Variants in INPP4B observed in about 807,000 individuals in gnomAD.
INPP4B encodes the protein inositol polyphosphate-4-phosphatase type II B, also known as inositol polyphosphate 4-phosphatase type II.
Under a neutral mutation model 122.5 loss-of-function variants are expected in INPP4B, and 55 were observed. The ratio of observed to expected loss-of-function variants is 0.45; its 90% CI spans 0.36 to 0.56. INPP4B has a LOEUF of 0.56. Among genes scored for constraint, INPP4B ranks in the 20% least tolerant of loss-of-function variants. The pLI, the probability that INPP4B is intolerant of heterozygous loss-of-function variation, is 0.00. For missense variants in INPP4B, 1,000 were observed against 1,097.7 expected, an observed-to-expected ratio of 0.91 and a Z score of 1.26; for synonymous variants, 403 against 388.7, an observed-to-expected ratio of 1.04 and a Z score of -0.43.
At chr4:142,521,566 T>C (rs1262557523) in intron 2 of INPP4B, among the ~76,000 whole-genome samples, 1 of 152,076 alleles carries the variant, frequency 6.6e-6, no homozygotes, top group African/African-American at 2.4e-5. Context: ...TTCAGATTTT[T>C]AAAGCTACAT....
intron 2 of INPP4B, among the ~76,000 whole-genome samples, chr4:142,593,417 T>A (rs761038856): frequency 3.3e-5 from 5 of 152,168 alleles, no homozygotes; most frequent in Non-Finnish European, 7.4e-5. Context: ...TTTCTCCTTA[T>A]CAGCCCCCAC....
At chr4:142,681,559 T>C (rs919711180) in intron 2 of INPP4B, among the ~76,000 whole-genome samples, 1 of 151,516 alleles carries the variant, frequency 6.6e-6, no homozygotes. Context: ...TCTGGATAAC[T>C]CGAGATGGAG....
intron 2 of INPP4B, among the ~76,000 whole-genome samples, chr4:142,662,096 G>T (rs1025582644): frequency 6.6e-6 from 1 of 152,044 alleles, no homozygotes; most frequent in African/African-American, 2.4e-5. Flanking sequence ...TTAACCGGGC[G>T]TGGTGGCAGG....
chr4:142,387,373 A>G (rs182344682), intron 7 of INPP4B, among the ~76,000 whole-genome samples: 1 of 152,096 alleles, frequency 6.6e-6, no homozygotes, highest in African/African-American at 2.4e-5. Flanking sequence ...TCTGGCGTAT[A>G]CATTAGGCCC....
chr4:142,282,873 G>C (rs529283614), intron 9 of INPP4B, among the ~76,000 whole-genome samples: 2 of 152,044 alleles, frequency 1.3e-5, no homozygotes, highest in East Asian at 1.9e-4. Flanking sequence ...GAGAATCTTG[G>C]GGAACATCTT....
intron 23 of INPP4B, among the ~76,000 whole-genome samples, chr4:142,101,147 T>C (rs1784298009): frequency 6.6e-6 from 1 of 152,082 alleles, no homozygotes. Flanking sequence ...AACCATACCA[T>C]GTTCTAAGAA....
At position 142,455,498 on chromosome 4, in the gene INPP4B, T is replaced by A. The variant is rs1034714024; in HGVS notation, c.-127+7165A>T. 8.6e-5 allele frequency among the ~76,000 whole-genome samples: 13 copies of A among 152,026 alleles called. 1 individual carries two copies. Among genetic ancestry groups the A allele is most frequent in the African/African-American group, 3.1e-4 (13 of 41,438 alleles). ...TGTTGTGAATGAGTGGATCTCATTC[T>A]TTTTTTATGGCTGAAGAGTACTCCA... is the stretch of plus-strand genomic sequence containing the variant. On this transcript the variant is annotated intron_variant, in intron 3 of 25. Transcript: ENST00000262992.
chr4:142,146,883 T>C (rs1811046414), intron 17 of INPP4B, among the ~76,000 whole-genome samples: 2 of 152,220 alleles, frequency 1.3e-5, no homozygotes, highest in African/African-American at 4.8e-5. Flanking sequence ...TCTTTGCCAC[T>C]AATCTTCCCA....
chr4:142,056,110 T>C (rs1757559427), intron 25 of INPP4B, among the ~76,000 whole-genome samples: 1 of 151,996 alleles, frequency 6.6e-6, no homozygotes, highest in Non-Finnish European at 1.5e-5. Context: ...TGTGTTGATC[T>C]GACGGAAGGC....
At chr4:142,780,019 T>G (rs902168370) in intron 1 of INPP4B, among the ~76,000 whole-genome samples, 2 of 152,226 alleles carry the variant, frequency 1.3e-5, no homozygotes, top group Non-Finnish European at 2.9e-5. Context: ...CAAATCGCAG[T>G]GCACTTCAGA....
chr4:142,705,893 A>G (rs911817210), intron 2 of INPP4B, among the ~76,000 whole-genome samples: 1 of 152,234 alleles, frequency 6.6e-6, no homozygotes, highest in African/African-American at 2.4e-5. Context: ...TATTCTCCAC[A>G]GTGCAACCTG....
intron 25 of INPP4B, among the ~76,000 whole-genome samples, chr4:142,052,131 C>G (rs919087215): frequency 2.0e-5 from 3 of 151,968 alleles, no homozygotes; most frequent in Non-Finnish European, 4.4e-5. Context: ...CTATTTTTAT[C>G]AGACTACCAT....
At chr4:142,842,154 A>G (rs1783575130) in intron 1 of INPP4B, among the ~76,000 whole-genome samples, 2 of 151,810 alleles carry the variant, frequency 1.3e-5, no homozygotes, top group South Asian at 4.1e-4. Context: ...AGTTTAAACA[A>G]ATTACTGCCA....
chr4:142,404,245 G>T (rs371622352), intron 6 of INPP4B, among the ~76,000 whole-genome samples: 3 of 152,096 alleles, frequency 2.0e-5, no homozygotes, highest in Non-Finnish European at 4.4e-5. Flanking sequence ...AATGACTCCC[G>T]TTCAGTCTGA....
At chr4:142,108,304 G>A in intron 22 of INPP4B, 114 bp from the exon 23 acceptor site, 2 of 666,044 alleles carry the variant, frequency 3.0e-6, no homozygotes, top group Non-Finnish European at 2.6e-6. Context: ...GAAAGAGTCT[G>A]TCTCATTTTT....
chr4:142,116,635 C>G (rs1277675433), intron 21 of INPP4B, among the ~76,000 whole-genome samples: 2 of 152,096 alleles, frequency 1.3e-5, no homozygotes, highest in African/African-American at 2.4e-5. Flanking sequence ...ATACAACATA[C>G]CAGAATCTCT....
rs540716289 is a variant in INPP4B, at chr4:142,329,153, A to T, written c.373-14391T>A. ...ATGGACAATATCAAAATGTGTAAAG[A>T]AAGTAAAATATTAAAATACGGTAAT... On this transcript the variant is annotated intron_variant, in intron 7 of 25. Transcript: ENST00000262992. Among the ~76,000 whole-genome samples, 4 of 152,396 alleles carry T rather than the reference A, an allele frequency of 2.6e-5. No individual in the cohort carries two copies. The South Asian group carries it at 8.3e-4, about 32-fold the overall frequency.
intron 1 of INPP4B, chr4:142,795,310 T>C (rs1159282347): frequency 6.6e-6 from 1 of 152,032 alleles, no homozygotes. Context: ...AAATAGTATT[T>C]ATGTCTTAGG....
intron 3 of INPP4B, among the ~76,000 whole-genome samples, chr4:142,450,286 G>A (rs1177245052): frequency 6.6e-6 from 1 of 152,178 alleles, no homozygotes; most frequent in South Asian, 2.1e-4. Flanking sequence ...AGCAAGGACA[G>A]TTAGAGCACA....
Sources: gnomAD v4.1 joint callset for allele counts (sites outside exome capture counted in the v4.1 genomes callset) on GRCh38, gnomAD v4.1.1 for gene constraint, MANE v1.5 for transcripts, NCBI Gene and HGNC (gene_info 2026-07-23, HGNC 2026-07-21) for gene names.